DLGAP1: variants seen among roughly 807,000 people sequenced by gnomAD.
DLGAP1 encodes DLG associated protein 1.
A neutral mutation model predicts 90.8 loss-of-function variants in DLGAP1; 11 were observed. The ratio of observed to expected loss-of-function variants is 0.12; its 90% confidence interval spans 0.08 to 0.20. The LOEUF (loss-of-function observed/expected upper bound fraction) is 0.20. Ranked by LOEUF, DLGAP1 falls within the 10% of genes least tolerant of loss-of-function variation. DLGAP1 has a pLI of 1.00. For synonymous variants in DLGAP1, 558 were observed against 540.7 expected, an observed-to-expected ratio of 1.03 and a Z score of -0.44; for missense variants, 1,050 against 1,333.8, an observed-to-expected ratio of 0.79 and a Z score of 3.31.
At chr18:3,502,944 C>A (rs1311784127) in intron 11 of DLGAP1, among the ~76,000 whole-genome samples, 1 of 151,580 alleles carries the variant, frequency 6.6e-6, no homozygotes, top group Non-Finnish European at 1.5e-5. Context: ...TGATCTACTA[C>A]AGGACGTATT....
At chr18:3,502,683 C>A (rs2050000009) in intron 11 of DLGAP1, 38 bp from the exon 12 acceptor site, 2 of 1,582,740 alleles carry the variant, frequency 1.3e-6, no homozygotes, top group South Asian at 1.2e-5. Context: ...GCTTTAGAAG[C>A]AATTCTTGAC....
At chr18:3,580,229 G>C in intron 8 of DLGAP1, 1 of 1,598,700 alleles carries the variant, frequency 6.3e-7, no homozygotes, top group Non-Finnish European at 8.6e-7. Flanking sequence ...TTCCCCTCAG[G>C]TGAACCATCT....
At chr18:4,007,018 T>C (rs908522633) in intron 2 of DLGAP1, among the ~76,000 whole-genome samples, 10 of 152,156 alleles carry the variant, frequency 6.6e-5, no homozygotes, top group African/African-American at 2.2e-4. Context: ...AGTAATTGTA[T>C]AGAAATAGGG....
Position 4,305,420 on chromosome 18 carries a change from G to A in DLGAP1, c.-267+149586C>T, listed in dbSNP as rs929402506. Among the ~76,000 whole-genome samples, 4 of 151,536 alleles carry A rather than the reference G, an allele frequency of 2.6e-5. No homozygotes were observed. The South Asian group carries it at 8.3e-4, about 32-fold the overall frequency. On this transcript the variant is annotated intron_variant, in intron 1 of 12. Transcript: ENST00000315677. ...GTGGTGGCACGCGCCTGTAGTCCCA[G>A]ACACTCGGGAGGCTGAGGCAGGAGA... is the stretch of plus-strand genomic sequence containing the variant.
chr18:4,267,183 A>T (rs2079149047), intron 1 of DLGAP1, among the ~76,000 whole-genome samples: 1 of 147,376 alleles, frequency 6.8e-6, no homozygotes, highest in Non-Finnish European at 1.5e-5. Context: ...CACTGTAATG[A>T]GTGTGTGTGT....
intron 7 of DLGAP1, among the ~76,000 whole-genome samples, chr18:3,707,357 G>C (rs2061467175): frequency 6.6e-6 from 1 of 152,154 alleles, no homozygotes; most frequent in South Asian, 2.1e-4. Flanking sequence ...CAGCACTTTA[G>C]AAGGCCGAGG....
intron 1 of DLGAP1, chr18:4,295,064 T>C (rs2079944420): frequency 6.6e-6 from 1 of 152,216 alleles, no homozygotes; most frequent in African/African-American, 2.4e-5. Flanking sequence ...AGGGTGTGTG[T>C]CAGGTCAAAA....
At chr18:4,432,214 G>A (rs775643008) in intron 1 of DLGAP1, among the ~76,000 whole-genome samples, 6 of 152,184 alleles carry the variant, frequency 3.9e-5, no homozygotes, top group Non-Finnish European at 5.9e-5. Context: ...GGGCATGGTA[G>A]TAATTGGCTA....
At chr18:3,588,706 G>T (rs568879114) in intron 7 of DLGAP1, among the ~76,000 whole-genome samples, 42 of 150,860 alleles carry the variant, frequency 2.8e-4, no homozygotes, top group African/African-American at 1.0e-3. Flanking sequence ...CTTGAGCCCG[G>T]GAGGCGGAGG....
At chr18:4,260,490 A>G (rs2145258675) in intron 1 of DLGAP1, among the ~76,000 whole-genome samples, 1 of 152,304 alleles carries the variant, frequency 6.6e-6, no homozygotes, top group African/African-American at 2.4e-5. Context: ...AAATCAAGCA[A>G]AGTTAAGGTG....
At chr18:3,819,785 GT>G (rs2067304268) in intron 4 of DLGAP1, among the ~76,000 whole-genome samples, 1 of 152,064 alleles carries the variant, frequency 6.6e-6, no homozygotes. Context: ...ATTCATATAT[GT>G]CTTTTGACAT....
chr18:4,106,224 A>T (rs920951249), intron 2 of DLGAP1, among the ~76,000 whole-genome samples: 11 of 152,154 alleles, frequency 7.2e-5, no homozygotes, highest in Non-Finnish European at 4.4e-5. Context: ...CAGCACGTTC[A>T]GTGCCAAGAA....
intron 7 of DLGAP1, among the ~76,000 whole-genome samples, chr18:3,699,493 G>C (rs1029627479): frequency 2.0e-5 from 3 of 152,182 alleles, no homozygotes; most frequent in Non-Finnish European, 4.4e-5. Context: ...AAAGATTGCT[G>C]TTCTTTCCTC....
chr18:4,298,848 G>A (rs1406196919), intron 1 of DLGAP1, among the ~76,000 whole-genome samples: 2 of 152,038 alleles, frequency 1.3e-5, no homozygotes, highest in Admixed American at 6.5e-5. Flanking sequence ...TTGGGAGGCC[G>A]AGGTGGGTGG....
At chr18:4,134,230 A>C (rs1331526118) in intron 2 of DLGAP1, among the ~76,000 whole-genome samples, 1 of 151,958 alleles carries the variant, frequency 6.6e-6, no homozygotes, top group Non-Finnish European at 1.5e-5. Flanking sequence ...CTCTCTTTGC[A>C]TCCTCCCCAG....
At position 3,498,932 on chromosome 18, in the gene DLGAP1, T is replaced by G. The variant is rs764584589; in HGVS notation, c.*253A>C. The G allele has an allele frequency of 2.7e-4, 142 of 518,896 alleles. No homozygotes were observed. The highest frequency in any genetic ancestry group is 4.4e-4 in the Non-Finnish European group (131 of 296,820). The allele number at this position is 518,896 out of a possible 1,614,324, so 32.1% of individuals were successfully genotyped here. On this transcript the variant is annotated 3_prime_UTR_variant, in exon 13 of 13. Coordinates refer to ENST00000315677, the MANE Select transcript of DLGAP1 (RefSeq NM_004746.4). ...CAGAAAATAAAGGGTTGGATCTCAG[T>G]ATGAGGCAGGGCGACGGCATCAGGA...
At chr18:4,050,546 G>A (rs75903415) in intron 2 of DLGAP1, among the ~76,000 whole-genome samples, 15,171 of 152,206 alleles carry the variant, frequency 0.1, 803 homozygotes, top group Middle Eastern at 0.2. Context: ...TGTCAATATA[G>A]GCTTCTATCC....
At chr18:4,054,665 G>C (rs965691272) in intron 2 of DLGAP1, among the ~76,000 whole-genome samples, 34 of 152,246 alleles carry the variant, frequency 2.2e-4, no homozygotes, top group Admixed American at 1.6e-3. Flanking sequence ...GAAGGTACAA[G>C]ACCCAAACAC....
At chr18:4,037,686 G>A (rs2074911034) in intron 2 of DLGAP1, among the ~76,000 whole-genome samples, 1 of 152,170 alleles carries the variant, frequency 6.6e-6, no homozygotes, top group Non-Finnish European at 1.5e-5. Context: ...TCAGCTGGGT[G>A]TGGTGGCTCA....
Sources: gnomAD v4.1 joint callset for allele counts (sites outside exome capture counted in the v4.1 genomes callset) on GRCh38, gnomAD v4.1.1 for gene constraint, MANE v1.5 for transcripts, NCBI Gene and HGNC (gene_info 2026-07-23, HGNC 2026-07-21) for gene names.